Variants in NUP153 observed in about 807,000 individuals in gnomAD.
The protein encoded by NUP153 is nuclear pore complex protein Nup153.
NUP153 carries 27 observed loss-of-function variants against 134.6 expected under a neutral mutation model. The observed-to-expected ratio is 0.20, with a 90% CI of 0.15 to 0.28. The LOEUF (loss-of-function observed/expected upper bound fraction) is 0.28. Among genes scored for constraint, NUP153 ranks in the 10% least tolerant of loss-of-function variants. The probability of loss-of-function intolerance (pLI) is 1.00; values close to 1 mark genes in which losing one functional copy is unlikely to be tolerated. For synonymous variants in NUP153, 640 were observed against 623.5 expected, an observed-to-expected ratio of 1.03 and a Z score of -0.40; for missense variants, 1,821 against 1,731.3, an observed-to-expected ratio of 1.05 and a Z score of -0.92.
At chr6:17,663,411 G>A (rs1011726879) in intron 9 of NUP153, among the ~76,000 whole-genome samples, 13 of 151,832 alleles carry the variant, frequency 8.6e-5, no homozygotes, top group Non-Finnish European at 1.5e-4. Context: ...TTACAGACAC[G>A]CACCACCACA....
intron 2 of NUP153, among the ~76,000 whole-genome samples, chr6:17,679,343 G>A (rs757800660): frequency 3.3e-5 from 5 of 152,118 alleles, no homozygotes; most frequent in Non-Finnish European, 7.4e-5. Flanking sequence ...TGTGCACATG[G>A]AAACTACAAA....
At chr6:17,655,129 A>G (rs890786420) in intron 11 of NUP153, among the ~76,000 whole-genome samples, 1 of 152,238 alleles carries the variant, frequency 6.6e-6, no homozygotes, top group Non-Finnish European at 1.5e-5. Flanking sequence ...GCTTTTTAAC[A>G]ACACACACAA....
At position 17,625,882 on chromosome 6, in the gene NUP153, C is replaced by G; in HGVS notation, c.3827G>C (p.Gly1276Ala). 5.0e-6 allele frequency: 8 copies of G among 1,614,168 alleles called. No homozygotes were observed. The highest frequency in any genetic ancestry group is 6.8e-6 in the Non-Finnish European group (8 of 1,180,034). Residue 1276 changes from glycine to alanine, a missense_variant, in exon 19 of 22, where the codon GGT (glycine) becomes GCT (alanine). Gly to Ala is a moderately conservative substitution (Grantham distance 60). Coordinates refer to ENST00000262077, the MANE Select transcript of NUP153 (RefSeq NM_005124.4). This position sits in a 1 kb window ranked among gnomAD's most constrained non-coding sequence, Gnocchi z 4.7. The part of the protein sequence containing the change: ...TGTAVTPFVF[G>A]PGASSNNTTT... ...AGTATTATTACTGCTGGCTCCTGGA[C>G]CAAAGACAAATGGGGTGACAGCTGT... is the stretch of plus-strand genomic sequence containing the variant.
At chr6:17,697,784 C>T (rs1769759880) in intron 1 of NUP153, among the ~76,000 whole-genome samples, 1 of 151,948 alleles carries the variant, frequency 6.6e-6, no homozygotes. Context: ...TATTCTATAA[C>T]ACTAACTCAG....
chr6:17,650,268 T>C (rs1395222642), intron 11 of NUP153, among the ~76,000 whole-genome samples: 1 of 152,194 alleles, frequency 6.6e-6, no homozygotes, highest in African/African-American at 2.4e-5. Flanking sequence ...CATGAGTTGC[T>C]GCCACTGAAT....
chr6:17,650,144 A>G (rs1766429331), intron 11 of NUP153, among the ~76,000 whole-genome samples: 1 of 152,192 alleles, frequency 6.6e-6, no homozygotes, highest in African/African-American at 2.4e-5. Flanking sequence ...TCTGGAAAAA[A>G]GTATAAAGAA....
chr6:17,625,732 GATAT>G lies in NUP153; in HGVS notation c.3901+72_3901+75del. 1 of 1,120,434 alleles carries G rather than the reference GATAT, an allele frequency of 8.9e-7. No homozygotes were observed. Among genetic ancestry groups the G allele is most frequent in the Non-Finnish European group, 1.3e-6 (1 of 754,406 alleles). The allele number at this position is 1,120,434 out of a possible 1,614,324, so 69.4% of individuals were successfully genotyped here. A position where few individuals can be genotyped will look rare whatever the true frequency, so the allele number is the denominator to read the frequency against. On this transcript the variant is annotated intron_variant, in intron 19 of 21. Coordinates refer to ENST00000262077, the MANE Select transcript of NUP153 (RefSeq NM_005124.4). The surrounding 1 kb of genome is among the most constrained non-coding windows in gnomAD (Gnocchi z 4.7). ...ACCATTTTGTGATAACCTGCTATAT[GATAT>G]TCGCTAAGAACTGACACACTAATAA... is the stretch of plus-strand genomic sequence containing the variant.
Position 17,625,746 on chromosome 6 carries a change from A to G in NUP153, c.3901+62T>C, listed in dbSNP as rs977430406. ...ACCTGCTATATGATATTCGCTAAGAACTGACACACTAATAAGTAAAGTCCA... is the reference window on the plus strand; with the variant it reads ...ACCTGCTATATGATATTCGCTAAGAGCTGACACACTAATAAGTAAAGTCCA... On this transcript the variant is annotated intron_variant, in intron 19 of 21. Transcript: ENST00000262077. This position sits in a 1 kb window ranked among gnomAD's most constrained non-coding sequence, Gnocchi z 4.7. The G allele has an allele frequency of 7.9e-7, 1 of 1,259,540 alleles. No homozygotes were observed. Among genetic ancestry groups the G allele is most frequent in the Non-Finnish European group, 1.1e-6 (1 of 871,916 alleles). 78.0% of individuals were successfully genotyped at this position (1,259,540 alleles called of 1,614,324 possible). A position where few individuals can be genotyped will look rare whatever the true frequency, so the allele number is the denominator to read the frequency against.
rs939820076 is a variant in NUP153 at position 17,688,455 on chromosome 6, T to C, written c.275A>G (p.Glu92Gly). 25 of 1,614,034 alleles carry C rather than the reference T, an allele frequency of 1.5e-5. No individual in the cohort carries two copies. Among genetic ancestry groups the C allele is most frequent in the Admixed American group, 5.0e-5 (3 of 60,000 alleles). ...TCTCCCATCAGTAATATTAGAGCTC[T>C]CCTCATCGGCATATACCAGATGGTC... ...KEDHLVYADEESSNITDGRIT... is the reference protein window; with the variant it reads ...KEDHLVYADEGSSNITDGRIT... Residue 92 changes from glutamate (E) to glycine (G), a missense_variant, in exon 2 of 22, where the codon GAG becomes GGG. Physicochemically the swap from Glu to Gly is moderately conservative, Grantham distance 98 (BLOSUM62 -2). Coordinates refer to ENST00000262077, the MANE Select transcript of NUP153 (RefSeq NM_005124.4).
chr6:17,706,748 T>C lies in NUP153; in HGVS notation c.-361A>G, dbSNP rs2150259017. 8.5e-6 allele frequency: 2 copies of C among 235,396 alleles called. No individual in the cohort carries two copies. The highest frequency in any genetic ancestry group is 1.7e-5 in the Non-Finnish European group (2 of 119,536). The allele number at this position is 235,396 out of a possible 1,614,324, so 14.6% of individuals were successfully genotyped here. A position where few individuals can be genotyped will look rare whatever the true frequency, so the allele number is the denominator to read the frequency against. ...TAACTCGACCGCCGACTGGTGGGAG[T>C]TCTTCCGTCGCCCTAGCCGTAGCTG... On this transcript the variant is annotated 5_prime_UTR_variant, in exon 1 of 22. Transcript: ENST00000262077. The surrounding 1 kb of genome is among the most constrained non-coding windows in gnomAD (Gnocchi z 5.9).
Position 17,680,618 on chromosome 6 carries a change from T to C in NUP153, c.335-4848A>G, listed in dbSNP as rs1475040115. On this transcript the variant is annotated intron_variant, in intron 2 of 21. Coordinates refer to ENST00000262077, the MANE Select transcript of NUP153 (RefSeq NM_005124.4). This position sits in a 1 kb window ranked among gnomAD's most constrained non-coding sequence, Gnocchi z 4.5. Reference sequence around the variant, plus strand: ...GGACTACATGAAATGTAAAAACTTTTATGCATCAAAGAATGTAATCAACAG... The same window carrying C: ...GGACTACATGAAATGTAAAAACTTTCATGCATCAAAGAATGTAATCAACAG... Among the ~76,000 whole-genome samples, 2 of 152,190 alleles carry C rather than the reference T, an allele frequency of 1.3e-5. No homozygotes were observed. Among genetic ancestry groups the C allele is most frequent in the African/African-American group, 2.4e-5 (1 of 41,450 alleles).
chr6:17,702,894 T>C (rs1770211203), intron 1 of NUP153, among the ~76,000 whole-genome samples: 1 of 124,546 alleles, frequency 8.0e-6, no homozygotes, highest in Non-Finnish European at 1.8e-5. Flanking sequence ...TCATGCAAGA[T>C]GACATTTTAA....
At chr6:17,661,297 G>C (rs1033802938) in intron 11 of NUP153, among the ~76,000 whole-genome samples, 2 of 152,150 alleles carry the variant, frequency 1.3e-5, no homozygotes, top group African/African-American at 4.8e-5. Context: ...CTGAGCGACA[G>C]AGCAAGACTG....
intron 11 of NUP153, among the ~76,000 whole-genome samples, chr6:17,656,730 G>A (rs1393455619): frequency 6.6e-6 from 1 of 152,140 alleles, no homozygotes; most frequent in Admixed American, 6.5e-5. Flanking sequence ...TTGGCCTTAA[G>A]GTAGTATGTT....
chr6:17,650,488 A>G (rs1404770907), intron 11 of NUP153, among the ~76,000 whole-genome samples: 2 of 152,202 alleles, frequency 1.3e-5, no homozygotes, highest in African/African-American at 4.8e-5. Context: ...GCTGCCTACC[A>G]CAGGGGAGAC....
rs1254083144 is a variant in NUP153, at chr6:17,638,454, T to C, written c.1847-684A>G. Among the ~76,000 whole-genome samples, 1 of 152,170 alleles carries C rather than the reference T, an allele frequency of 6.6e-6. No homozygotes were observed. Among genetic ancestry groups the C allele is most frequent in the East Asian group, 1.9e-4 (1 of 5,200 alleles). On this transcript the variant is annotated intron_variant, in intron 15 of 21. Transcript: ENST00000262077. This position sits in a 1 kb window ranked among gnomAD's most constrained non-coding sequence, Gnocchi z 4.0. ...TTAAAAGGAGAGAAGATGTAGAAGGTTATTAGAGGTTTTCTAGTTCCACAA... is the reference window on the plus strand; with the variant it reads ...TTAAAAGGAGAGAAGATGTAGAAGGCTATTAGAGGTTTTCTAGTTCCACAA...
intron 11 of NUP153, among the ~76,000 whole-genome samples, chr6:17,652,158 T>TC (rs1374685251): frequency 2.0e-5 from 3 of 151,988 alleles, no homozygotes; most frequent in South Asian, 2.1e-4. Context: ...AACCATACCC[T>TC]CCCTCCCCAT....
At chr6:17,658,039 C>G (rs1484954029) in intron 11 of NUP153, among the ~76,000 whole-genome samples, 1 of 152,198 alleles carries the variant, frequency 6.6e-6, no homozygotes, top group Non-Finnish European at 1.5e-5. Context: ...AGACAACTTG[C>G]CAACATCAAC....
chr6:17,660,725 G>A (rs1485767831), intron 11 of NUP153, among the ~76,000 whole-genome samples: 2 of 152,044 alleles, frequency 1.3e-5, no homozygotes, highest in Non-Finnish European at 2.9e-5. Flanking sequence ...ATGTTGAACT[G>A]CAAAACTATC....
Sources: allele counts gnomAD v4.1 joint callset (sites outside exome capture counted in the v4.1 genomes callset), GRCh38; gene constraint gnomAD v4.1.1; non-coding constraint Gnocchi (gnomAD v3.1); transcripts MANE v1.5; gene names NCBI Gene and HGNC (gene_info 2026-07-23, HGNC 2026-07-21).